NELL2: variants seen among roughly 807,000 people sequenced by gnomAD.
NELL2 encodes the protein protein kinase C-binding protein NELL2.
NELL2 carries 41 observed loss-of-function variants against 109.6 expected under a neutral mutation model. That is an observed-to-expected ratio of 0.37 (90% CI 0.29 to 0.49). The LOEUF (loss-of-function observed/expected upper bound fraction) is 0.49, where lower values mean the gene tolerates loss of function less well. Among genes scored for constraint, NELL2 ranks in the 20% least tolerant of loss-of-function variants. The pLI is 0.98. For synonymous variants in NELL2, 355 were observed against 344.7 expected (o/e 1.03, Z -0.33); for missense variants, 900 against 1,008.3 (o/e 0.89, Z 1.45).
chr12:44,837,785 C>T (rs184659252), intron 2 of NELL2, among the ~76,000 whole-genome samples: 1 of 151,988 alleles, frequency 6.6e-6, no homozygotes, highest in Admixed American at 6.6e-5. Context: ...ATTGCTAAGG[C>T]CTTGACTTTT....
intron 9 of NELL2, among the ~76,000 whole-genome samples, chr12:44,724,456 C>T (rs561603983): frequency 1.3e-5 from 2 of 151,908 alleles, no homozygotes; most frequent in African/African-American, 4.8e-5. Flanking sequence ...TCTTATACAC[C>T]AACAAGAACC....
rs146131817 is a variant in NELL2 at position 44,750,004 on chromosome 12, A to G, written c.994+24743T>C. Among the ~76,000 whole-genome samples, 6 of 152,230 alleles carry G rather than the reference A, an allele frequency of 3.9e-5. 1 individual carries two copies. The highest frequency in any genetic ancestry group is 1.4e-4 in the African/African-American group (6 of 41,570). On this transcript the variant is annotated intron_variant, in intron 9 of 19. Transcript: ENST00000429094. ...AAAAAAAGGAGAAATTAGAAAAGGT[A>G]TATATATCAAGATATATAGAGAAAG...
At chr12:44,731,548 TTA>T (rs1939371707) in intron 9 of NELL2, among the ~76,000 whole-genome samples, 1 of 152,060 alleles carries the variant, frequency 6.6e-6, no homozygotes, top group South Asian at 2.1e-4. Context: ...CAACACCCTT[TTA>T]TGATTAATAA....
intron 11 of NELL2, among the ~76,000 whole-genome samples, chr12:44,710,815 A>G (rs1337627672): frequency 6.6e-6 from 1 of 152,100 alleles, no homozygotes; most frequent in East Asian, 1.9e-4. Context: ...CCAGAAACCT[A>G]TGGGTGAGAA....
intron 2 of NELL2, among the ~76,000 whole-genome samples, chr12:44,870,847 G>C (rs1945140572): frequency 6.6e-6 from 1 of 152,100 alleles, no homozygotes; most frequent in Non-Finnish European, 1.5e-5. Context: ...ACTTCCCCTT[G>C]CTGTATAACG....
intron 1 of NELL2, among the ~76,000 whole-genome samples, chr12:44,883,617 T>C (rs553055812): frequency 6.6e-6 from 1 of 152,196 alleles, no homozygotes; most frequent in East Asian, 1.9e-4. Flanking sequence ...AAAATGTTTT[T>C]AAATTATCTA....
At chr12:44,604,732 CA>C (rs1477828674) in intron 15 of NELL2, among the ~76,000 whole-genome samples, 1 of 152,052 alleles carries the variant, frequency 6.6e-6, no homozygotes, top group African/African-American at 2.4e-5. Flanking sequence ...CCTTATTTAT[CA>C]TGTTAAAAAT....
rs750191990 is a variant in NELL2, at chr12:44,532,551, T to TATATTCCTCAAGTTCAGGAGAAGTTCA, written c.1804+29_1804+30insTGAACTTCTCCTGAACTTGAGGAATAT. ...TATTCCTCAAGTTCAAGAGAAGTTCTTAAATTCTAGGTCTTCTCCTTGTAC... is the reference window on the plus strand; with the variant it reads ...TATTCCTCAAGTTCAAGAGAAGTTCTATATTCCTCAAGTTCAGGAGAAGTTCATAAATTCTAGGTCTTCTCCTTGTAC... On this transcript the variant is annotated intron_variant, in intron 16 of 19. Coordinates refer to ENST00000429094, the MANE Select transcript of NELL2 (RefSeq NM_001145108.2). 1.8e-5 allele frequency: 28 copies of TATATTCCTCAAGTTCAGGAGAAGTTCA among 1,595,498 alleles called. No homozygotes were observed. In the Admixed American group the frequency reaches 5.0e-4, roughly 28 times the overall value.
At position 44,853,817 on chromosome 12, in the gene NELL2, T is replaced by C. The variant is rs143852356; in HGVS notation, c.184+21408A>G. 3.1e-3 allele frequency among the ~76,000 whole-genome samples: 468 copies of C among 152,340 alleles called. 3 individuals carry two copies. Among genetic ancestry groups the C allele is most frequent in the African/African-American group, 0.011 (441 of 41,588 alleles). On this transcript the variant is annotated intron_variant, in intron 2 of 19. Coordinates refer to ENST00000429094, the MANE Select transcript of NELL2 (RefSeq NM_001145108.2). ...TTTTATAGTATAATTAGCAATCTGA[T>C]GACATGTGAGAAGAATACATCAGTG...
At chr12:44,843,935 C>A (rs538497489) in intron 2 of NELL2, among the ~76,000 whole-genome samples, 2 of 151,950 alleles carry the variant, frequency 1.3e-5, no homozygotes, top group Non-Finnish European at 2.9e-5. Context: ...GGTGAGAGGA[C>A]CACTTGAGCC....
intron 1 of NELL2, among the ~76,000 whole-genome samples, chr12:44,895,288 T>G (rs561675891): frequency 1.2e-4 from 18 of 152,246 alleles, no homozygotes; most frequent in African/African-American, 4.1e-4. Flanking sequence ...TAACAACAAT[T>G]TAGTAAGGAG....
intron 9 of NELL2, among the ~76,000 whole-genome samples, chr12:44,772,351 A>T (rs1941584458): frequency 6.6e-6 from 1 of 152,218 alleles, no homozygotes; most frequent in African/African-American, 2.4e-5. Flanking sequence ...TTTTAAATAC[A>T]TATGAAAATC....
intron 12 of NELL2, among the ~76,000 whole-genome samples, chr12:44,694,860 G>A (rs916627411): frequency 1.3e-5 from 2 of 152,084 alleles, no homozygotes; most frequent in Non-Finnish European, 2.9e-5. Flanking sequence ...AACTTTGTGA[G>A]GCTATCGCTC....
intron 13 of NELL2, among the ~76,000 whole-genome samples, chr12:44,646,300 T>C (rs1324749269): frequency 6.6e-6 from 1 of 152,206 alleles, no homozygotes; most frequent in Non-Finnish European, 1.5e-5. Context: ...GTTAATAAGC[T>C]GCATAACCAG....
At chr12:44,699,800 G>C (rs1365478172) in intron 12 of NELL2, among the ~76,000 whole-genome samples, 1 of 151,906 alleles carries the variant, frequency 6.6e-6, no homozygotes, top group African/African-American at 2.4e-5. Context: ...CTCTTCTCTT[G>C]GCTTCTGTGA....
At chr12:44,814,999 T>C (rs1592587623) in intron 3 of NELL2, among the ~76,000 whole-genome samples, 1 of 152,228 alleles carries the variant, frequency 6.6e-6, no homozygotes, top group African/African-American at 2.4e-5. Context: ...ACTATTATCC[T>C]CAATTTACAG....
chr12:44,701,442 C>A (rs1949226018), intron 12 of NELL2, among the ~76,000 whole-genome samples: 1 of 151,958 alleles, frequency 6.6e-6, no homozygotes, highest in Admixed American at 6.6e-5. Flanking sequence ...AGATTTTATC[C>A]AGAACACTTC....
At position 44,619,647 on chromosome 12, in the gene NELL2, AAGGAGG is replaced by A. The variant is rs371438177; in HGVS notation, c.1445-8683_1445-8678del. Among the ~76,000 whole-genome samples, 13 of 151,646 alleles carry A rather than the reference AAGGAGG, an allele frequency of 8.6e-5. No individual in the cohort carries two copies. The East Asian group carries it at 9.7e-4, about 11-fold the overall frequency. ...TGAGAAGGCGGCGGAAGAGGAGGAG[AAGGAGG>A]AGGAGGAGGAGGAGGGATGTTGACA... On this transcript the variant is annotated intron_variant, in intron 13 of 19. Coordinates refer to ENST00000429094, the MANE Select transcript of NELL2 (RefSeq NM_001145108.2).
chr12:44,863,305 A>G (rs1944895742), intron 2 of NELL2, among the ~76,000 whole-genome samples: 1 of 152,216 alleles, frequency 6.6e-6, no homozygotes, highest in Non-Finnish European at 1.5e-5. Context: ...CAGATACAGA[A>G]AGGTCAACAG....
Sources: gnomAD v4.1 joint callset for allele counts (sites outside exome capture counted in the v4.1 genomes callset) on GRCh38, gnomAD v4.1.1 for gene constraint, MANE v1.5 for transcripts, NCBI Gene and HGNC (gene_info 2026-07-23, HGNC 2026-07-21) for gene names.